SH3BP5: variants seen among roughly 807,000 people sequenced by gnomAD.
SH3BP5 encodes SH3 domain-binding protein 5.
SH3BP5 carries 22 observed loss-of-function variants against 43.3 expected under a neutral mutation model. The ratio of observed to expected loss-of-function variants is 0.51; its 90% CI spans 0.36 to 0.73. The LOEUF (loss-of-function observed/expected upper bound fraction) is 0.73, where lower values mean the gene tolerates loss of function less well. SH3BP5 is among the 30% of genes least tolerant of loss of function. The probability of loss-of-function intolerance (pLI) is 0.00; values close to 1 mark genes in which losing one functional copy is unlikely to be tolerated. For synonymous variants in SH3BP5, 255 were observed against 225.8 expected, an observed-to-expected ratio of 1.13 and a Z score of -1.16; for missense variants, 529 against 586.9, an observed-to-expected ratio of 0.90 and a Z score of 1.02.
intron 3 of SH3BP5, among the ~76,000 whole-genome samples, chr3:15,294,290 A>AGTGTGTGTGTGTGT (rs10522979): frequency 2.2e-5 from 3 of 138,136 alleles, no homozygotes; most frequent in African/African-American, 8.2e-5. Flanking sequence ...TGCAAAAGTA[A>AGTGTGTGTGTGTGT]GTGTGTGTGT....
chr3:15,310,111 G>A (rs1237447825), intron 2 of SH3BP5, among the ~76,000 whole-genome samples: 2 of 152,198 alleles, frequency 1.3e-5, no homozygotes, highest in Non-Finnish European at 2.9e-5. Context: ...CCTGGCCACA[G>A]TCATACTCCT....
intron 7 of SH3BP5, chr3:15,257,342 A>T (rs114898797): frequency 2.0e-6 from 1 of 498,062 alleles, no homozygotes; most frequent in Non-Finnish European, 3.6e-6. Flanking sequence ...CGCCCTTCCA[A>T]TAACCTTATA....
chr3:15,259,217 C>A (rs2125042757), intron 6 of SH3BP5, 167 bp from the exon 7 acceptor site: 1 of 626,372 alleles, frequency 1.6e-6, no homozygotes, highest in East Asian at 2.7e-5. Flanking sequence ...ATTCACCAGA[C>A]AAAATCAGCC....
intron 2 of SH3BP5, among the ~76,000 whole-genome samples, chr3:15,317,112 A>G (rs1473480167): frequency 3.9e-5 from 6 of 152,226 alleles, no homozygotes; most frequent in African/African-American, 1.2e-4. Context: ...AAAATTCACA[A>G]TCATTAGATT....
chr3:15,292,141 A>G (rs1575317141), intron 3 of SH3BP5, among the ~76,000 whole-genome samples: 1 of 152,196 alleles, frequency 6.6e-6, no homozygotes, highest in Admixed American at 6.5e-5. Flanking sequence ...TGGTTTACAG[A>G]GGGGAAGGGG....
chr3:15,308,159 T>C (rs1218399812), intron 2 of SH3BP5, among the ~76,000 whole-genome samples: 1 of 152,154 alleles, frequency 6.6e-6, no homozygotes, highest in Admixed American at 6.5e-5. Flanking sequence ...CCGCTAAAGA[T>C]ATCTGATTTG....
chr3:15,332,995 A>G, upstream of SH3BP5: 10 of 721,220 alleles, frequency 1.4e-5, no homozygotes, highest in Non-Finnish European at 1.7e-5. Context: ...GAACCTTGGG[A>G]ATGGCGGAGG....
At chr3:15,294,330 T>TGTGTGTGTGTGC (rs565464561) in intron 3 of SH3BP5, among the ~76,000 whole-genome samples, 10 of 121,506 alleles carry the variant, frequency 8.2e-5, no homozygotes, top group South Asian at 2.6e-4. Flanking sequence ...TGTGTGTGTG[T>TGTGTGTGTGTGC]GCGCGCGCAT....
intron 4 of SH3BP5, among the ~76,000 whole-genome samples, chr3:15,265,093 G>A (rs1197519646): frequency 1.3e-5 from 2 of 151,846 alleles, no homozygotes; most frequent in African/African-American, 4.8e-5. Context: ...GGAAAGCTCC[G>A]AGCCCATGGC....
At chr3:15,292,627 T>A (rs919927183) in intron 3 of SH3BP5, among the ~76,000 whole-genome samples, 1 of 152,092 alleles carries the variant, frequency 6.6e-6, no homozygotes, top group African/African-American at 2.4e-5. Context: ...GGTGGGTGGA[T>A]CACCTGAGGT....
intron 6 of SH3BP5, 157 bp downstream of exon 6, chr3:15,259,604 C>T: frequency 1.3e-6 from 1 of 788,456 alleles, no homozygotes; most frequent in Non-Finnish European, 2.3e-6. Context: ...ACTGAAGACC[C>T]AACCGAGACA....
At chr3:15,339,866 AAAG>A (rs1018837657) in intron 1 of SH3BP5, 20 of 145,924 alleles carry the variant, frequency 1.4e-4, no homozygotes, top group Admixed American at 2.7e-4. Context: ...TTAAAAAAAA[AAAG>A]AAGAAGAAAG....
At chr3:15,259,907 C>T (rs1426827565) in intron 5 of SH3BP5, 104 bp from the exon 6 acceptor site, 10 of 1,023,622 alleles carry the variant, frequency 9.8e-6, no homozygotes, top group African/African-American at 1.6e-5. Context: ...GCCAGGTCGT[C>T]CTTCCAATAT....
intron 3 of SH3BP5, among the ~76,000 whole-genome samples, chr3:15,301,527 G>A (rs917407849): frequency 6.6e-6 from 1 of 152,114 alleles, no homozygotes; most frequent in Non-Finnish European, 1.5e-5. Flanking sequence ...AGCCCCACAG[G>A]GAAAAAGGAA....
chr3:15,278,092 C>T (rs1200603617), intron 3 of SH3BP5, among the ~76,000 whole-genome samples: 2 of 152,224 alleles, frequency 1.3e-5, no homozygotes, highest in African/African-American at 2.4e-5. Flanking sequence ...CCACAGGGCC[C>T]GGGGCAAGGC....
chr3:15,297,474 T>TA (rs1416398078), intron 3 of SH3BP5, among the ~76,000 whole-genome samples: 1 of 152,190 alleles, frequency 6.6e-6, no homozygotes, highest in African/African-American at 2.4e-5. Flanking sequence ...AGGATAATCT[T>TA]ACATTTATTG....
intron 3 of SH3BP5, 74 bp downstream of exon 3, chr3:15,304,029 A>AGGCAG (rs1314537230): frequency 1.0e-5 from 13 of 1,263,076 alleles, no homozygotes; most frequent in Non-Finnish European, 1.5e-5. Context: ...AGCAGGTGAT[A>AGGCAG]CAGTCAAAGG....
In SH3BP5 at chr3:15,256,024, A is replaced by T; in HGVS notation, c.*62T>A. 1 of 1,319,254 alleles carries T rather than the reference A, an allele frequency of 7.6e-7. No homozygotes were observed. The highest frequency in any genetic ancestry group is 1.1e-6 in the Non-Finnish European group (1 of 932,494). The allele number at this position is 1,319,254 out of a possible 1,614,324, so 81.7% of individuals were successfully genotyped here. On this transcript the variant is annotated 3_prime_UTR_variant, in exon 9 of 9. Coordinates refer to ENST00000383791, the MANE Select transcript of SH3BP5 (RefSeq NM_004844.5). ...TGGCATATATTAAATGATTATTGGCACAATGTTCTCCAGTTCCATGTATAA... is the reference window on the plus strand; with the variant it reads ...TGGCATATATTAAATGATTATTGGCTCAATGTTCTCCAGTTCCATGTATAA...
intron 4 of SH3BP5, among the ~76,000 whole-genome samples, chr3:15,262,537 G>A (rs1436609004): frequency 1.3e-5 from 2 of 152,132 alleles, no homozygotes; most frequent in Non-Finnish European, 2.9e-5. Context: ...TGCTCCTGTA[G>A]TCCCAGCTAC....
Sources: allele counts gnomAD v4.1 joint callset (sites outside exome capture counted in the v4.1 genomes callset), GRCh38; gene constraint gnomAD v4.1.1; transcripts MANE v1.5; gene names NCBI Gene and HGNC (gene_info 2026-07-23, HGNC 2026-07-21).